Variants in PTPRA observed in about 807,000 individuals in gnomAD.
The protein encoded by PTPRA is protein tyrosine phosphatase receptor type A.
A neutral mutation model predicts 104.8 loss-of-function variants in PTPRA; 25 were observed. The ratio of observed to expected loss-of-function variants is 0.24; its 90% CI spans 0.17 to 0.33. The LOEUF is 0.33. Among genes scored for constraint, PTPRA ranks in the 10% least tolerant of loss-of-function variants. PTPRA has a pLI of 1.00. For missense variants in PTPRA, 765 were observed against 1,015.3 expected (o/e 0.75, Z 3.35); for synonymous variants, 323 against 368.9 (o/e 0.88, Z 1.43).
intron 1 of PTPRA, among the ~76,000 whole-genome samples, chr20:2,910,920 C>CTT (rs11473733): frequency 0.38 from 50,135 of 130,918 alleles, 10,684 homozygotes; most frequent in East Asian, 0.64. Context: ...TTTATTTTAA[C>CTT]TTTTTTTTTT....
In PTPRA at chr20:2,989,452, G is replaced by T. The variant is rs576464255; in HGVS notation, c.738+978G>T. Among the ~76,000 whole-genome samples, 4 of 152,128 alleles carry T rather than the reference G, an allele frequency of 2.6e-5. No homozygotes were observed. In the East Asian group the frequency reaches 7.8e-4, roughly 30 times the overall value. Reference sequence around the variant, plus strand: ...ATCTCAAAAAAACAAGAGCTTCCTCGAATAAATGATATTTTAATTGATACC... The same window carrying T: ...ATCTCAAAAAAACAAGAGCTTCCTCTAATAAATGATATTTTAATTGATACC... On this transcript the variant is annotated intron_variant, in intron 9 of 23. Coordinates refer to ENST00000399903, the MANE Select transcript of PTPRA (RefSeq NM_001385305.1).
chr20:3,021,628 G>A (rs961936492), intron 14 of PTPRA, among the ~76,000 whole-genome samples, 200 bp downstream of exon 14: 2 of 152,208 alleles, frequency 1.3e-5, no homozygotes, highest in Non-Finnish European at 2.9e-5. Flanking sequence ...AAAATTACCT[G>A]TTGAGATGAA....
intron 16 of PTPRA, among the ~76,000 whole-genome samples, chr20:3,023,730 G>A (rs1052031895): frequency 3.3e-5 from 5 of 152,126 alleles, no homozygotes; most frequent in African/African-American, 1.2e-4. Context: ...AAATACTGAG[G>A]GAACTCAGAG....
intron 6 of PTPRA, among the ~76,000 whole-genome samples, chr20:2,985,306 C>CT (rs1371282998): frequency 1.3e-5 from 2 of 152,194 alleles, no homozygotes; most frequent in Non-Finnish European, 2.9e-5. Flanking sequence ...AATTAGACAA[C>CT]TGTGTTTCGG....
At chr20:2,970,893 A>G (rs1040473074) in intron 5 of PTPRA, among the ~76,000 whole-genome samples, 6 of 152,070 alleles carry the variant, frequency 3.9e-5, no homozygotes, top group Non-Finnish European at 7.4e-5. Context: ...TTTTCCCCAA[A>G]TATCTAACTT....
rs1391374245 is a variant in PTPRA at position 3,017,933 on chromosome 20, G to T, written c.1041+20G>T. The T allele has an allele frequency of 1.3e-6, 2 of 1,589,284 alleles. No individual in the cohort carries two copies. Among genetic ancestry groups the T allele is most frequent in the South Asian group, 2.2e-5 (2 of 90,440 alleles). On this transcript the variant is annotated intron_variant, in intron 13 of 23. Transcript: ENST00000399903. ...AAGGAGGTAAGTGGAAAAATTGGAT[G>T]TGAACAGCAGAAGGATCACTCTGCA...
At position 3,022,668 on chromosome 20, in the gene PTPRA, C is replaced by CCCCCTGCTCT. The variant is rs2064937847; in HGVS notation, c.1329-19_1329-10dup. The CCCCCTGCTCT allele has an allele frequency of 1.2e-6, 2 of 1,613,870 alleles. No homozygotes were observed. Among genetic ancestry groups the CCCCCTGCTCT allele is most frequent in the Non-Finnish European group, 1.7e-6 (2 of 1,179,864 alleles). ...CAAGGCAGGCTGGCCATCCCTATAA[C>CCCCCTGCTCT]CCCCTGCTCTCTGGCTACAGTGCAG... On this transcript the variant is annotated intron_variant, in intron 15 of 23. Coordinates refer to ENST00000399903, the MANE Select transcript of PTPRA (RefSeq NM_001385305.1). This position sits in a 1 kb window ranked among gnomAD's most constrained non-coding sequence, Gnocchi z 4.6.
At chr20:2,870,495 T>C (rs887854144), upstream of PTPRA, among the ~76,000 whole-genome samples, 1 of 152,248 alleles carries the variant, frequency 6.6e-6, no homozygotes, top group Non-Finnish European at 1.5e-5. Context: ...GGAAATTTTC[T>C]TGTTCTTTTG....
rs896009420 is a variant in PTPRA, at chr20:2,973,927, C to A, written c.416-1288C>A. Among the ~76,000 whole-genome samples the A allele has an allele frequency of 3.3e-5, 5 of 151,304 alleles. No individual in the cohort carries two copies. In the South Asian group the frequency reaches 8.4e-4, roughly 25 times the overall value. On this transcript the variant is annotated intron_variant, in intron 5 of 23. Transcript: ENST00000399903. ...TCATTGTTATTTTTAAGGTATTTTTCCATTTTGGGTTTTTTGTTTGTCTGA... is the reference window on the plus strand; with the variant it reads ...TCATTGTTATTTTTAAGGTATTTTTACATTTTGGGTTTTTTGTTTGTCTGA...
intron 1 of PTPRA, among the ~76,000 whole-genome samples, chr20:2,903,522 C>CA (rs1321692488): frequency 2.0e-5 from 3 of 152,052 alleles, no homozygotes; most frequent in South Asian, 2.1e-4. Context: ...TCTGACTCTG[C>CA]AAAAAAATTC....
intron 2 of PTPRA, among the ~76,000 whole-genome samples, chr20:2,933,416 G>T (rs965131648): frequency 6.7e-6 from 1 of 149,566 alleles, no homozygotes; most frequent in African/African-American, 2.4e-5. Context: ...TTTCTAGCTT[G>T]TTTTTTGGGG....
At chr20:2,971,510 A>G (rs2147995346) in intron 5 of PTPRA, among the ~76,000 whole-genome samples, 1 of 152,268 alleles carries the variant, frequency 6.6e-6, no homozygotes, top group South Asian at 2.1e-4. Flanking sequence ...TCATCTGCAT[A>G]TATCTTCCAA....
At chr20:2,886,519 GT>G (rs891160381) in intron 1 of PTPRA, among the ~76,000 whole-genome samples, 3 of 152,046 alleles carry the variant, frequency 2.0e-5, no homozygotes, top group African/African-American at 7.2e-5. Flanking sequence ...TAAGGGAAGA[GT>G]TTTAGTGGAT....
chr20:3,007,500 A>T, intron 11 of PTPRA, 80 bp downstream of exon 11: 17 of 1,419,810 alleles, frequency 1.2e-5, no homozygotes, highest in Non-Finnish European at 1.6e-5. Context: ...GCTGTGTGTT[A>T]GGAGAAATAT....
At chr20:2,864,590 A>G in the PTPRA span, 1 of 1,614,056 alleles carries the variant, frequency 6.2e-7, no homozygotes, top group Non-Finnish European at 8.5e-7. This position sits in a 1 kb window ranked among gnomAD's most constrained non-coding sequence, Gnocchi z 5.2. Context: ...GACCTTTACA[A>G]TCAGGATGAC....
intron 5 of PTPRA, among the ~76,000 whole-genome samples, chr20:2,972,416 CT>C (rs1461534458): frequency 6.6e-6 from 1 of 152,178 alleles, no homozygotes. Context: ...GTTGCCCAGA[CT>C]GGTCATGAAC....
At chr20:2,878,176 A>G (rs767876149) in intron 1 of PTPRA, among the ~76,000 whole-genome samples, 14 of 151,270 alleles carry the variant, frequency 9.3e-5, no homozygotes, top group South Asian at 2.1e-4. Context: ...AAATCACAGT[A>G]TAGTATTCCA....
chr20:2,967,983 C>T (rs552413055), intron 5 of PTPRA, among the ~76,000 whole-genome samples: 4 of 152,288 alleles, frequency 2.6e-5, no homozygotes, highest in Admixed American at 2.6e-4. Context: ...CTCCTGAGCC[C>T]TCCATTGTCT....
In PTPRA at chr20:3,022,506, T is replaced by C. The variant is rs369639339; in HGVS notation, c.1329-183T>C. Among the ~76,000 whole-genome samples, 9 of 152,296 alleles carry C rather than the reference T, an allele frequency of 5.9e-5. 1 individual carries two copies. The highest frequency in any genetic ancestry group is 2.2e-4 in the African/African-American group (9 of 41,568). ...TGTATTTTTGCAGCCTTCGGACCCT[T>C]CTAGCTGGAGGTCAGGATTCAGGAC... On this transcript the variant is annotated intron_variant, in intron 15 of 23. Transcript: ENST00000399903. This position sits in a 1 kb window ranked among gnomAD's most constrained non-coding sequence, Gnocchi z 4.6.
Sources: gnomAD v4.1 joint callset for allele counts (sites outside exome capture counted in the v4.1 genomes callset) on GRCh38, gnomAD v4.1.1 for gene constraint, Gnocchi (gnomAD v3.1) non-coding constraint, MANE v1.5 for transcripts, NCBI Gene and HGNC (gene_info 2026-07-23, HGNC 2026-07-21) for gene names.